KIRREL3: variants seen among roughly 807,000 people sequenced by gnomAD.
KIRREL3 encodes the protein kin of IRRE-like protein 3.
KIRREL3 carries 36 observed loss-of-function variants against 89.7 expected under a neutral mutation model. That is an observed-to-expected ratio of 0.40 (90% confidence interval 0.31 to 0.53). KIRREL3 has a LOEUF of 0.53. Ranked by LOEUF, KIRREL3 falls within the 20% of genes least tolerant of loss-of-function variation. KIRREL3 has a pLI of 0.49. For synonymous variants in KIRREL3, 445 were observed against 441.4 expected (o/e 1.01, Z -0.10); for missense variants, 864 against 1,056.6 (o/e 0.82, Z 2.53).
At chr11:126,446,636 G>A in intron 9 of KIRREL3, 123 bp downstream of exon 9, 6 of 1,112,100 alleles carry the variant, frequency 5.4e-6, no homozygotes, top group Non-Finnish European at 7.5e-6. Context: ...TTCTCCCTGT[G>A]GCTTACACTG....
At chr11:126,798,824 A>G (rs1950893580) in intron 1 of KIRREL3, among the ~76,000 whole-genome samples, 1 of 152,190 alleles carries the variant, frequency 6.6e-6, no homozygotes, top group Admixed American at 6.5e-5. Context: ...AAGAAAGAAC[A>G]TGGGTTTGGG....
chr11:126,646,862 A>C (rs1468053195), intron 1 of KIRREL3, among the ~76,000 whole-genome samples: 1 of 152,142 alleles, frequency 6.6e-6, no homozygotes, highest in South Asian at 2.1e-4. Context: ...CTACCTACCC[A>C]AGCTCCTGTT....
rs577433036 is a variant in KIRREL3, at chr11:126,571,991, G to A, written c.56-9079C>T. Reference sequence around the variant, plus strand: ...GGCTGCCAAAAGCCATATGCCTGAGGGCTGTTAGACTTTTCCTAACAGAAA... The same window carrying A: ...GGCTGCCAAAAGCCATATGCCTGAGAGCTGTTAGACTTTTCCTAACAGAAA... On this transcript the variant is annotated intron_variant, in intron 1 of 16. Coordinates refer to ENST00000525144, the MANE Select transcript of KIRREL3 (RefSeq NM_032531.4). This position sits in a 1 kb window ranked among gnomAD's most constrained non-coding sequence, Gnocchi z 7.7. Among the ~76,000 whole-genome samples, 2 of 152,314 alleles carry A rather than the reference G, an allele frequency of 1.3e-5. No individual in the cohort carries two copies. The highest frequency in any genetic ancestry group is 2.1e-4 in the South Asian group (1 of 4,830).
At chr11:126,599,675 C>T (rs1942559597) in intron 1 of KIRREL3, among the ~76,000 whole-genome samples, 1 of 152,210 alleles carries the variant, frequency 6.6e-6, no homozygotes, top group Non-Finnish European at 1.5e-5. Flanking sequence ...GCTTACAGCT[C>T]TTGCATATAG....
At chr11:126,964,549 A>G (rs1285752796) in intron 1 of KIRREL3, among the ~76,000 whole-genome samples, 1 of 152,150 alleles carries the variant, frequency 6.6e-6, no homozygotes, top group Non-Finnish European at 1.5e-5. Context: ...GAAACACTAC[A>G]ATAATCTCTC....
At position 126,763,757 on chromosome 11, in the gene KIRREL3, G is replaced by A. The variant is rs185411600; in HGVS notation, c.56-200845C>T. ...GACAATAGAAACACCCCTCTCAAACGTAGGGAAAGCTTGTCCACAAAGCAC... is the reference window on the plus strand; with the variant it reads ...GACAATAGAAACACCCCTCTCAAACATAGGGAAAGCTTGTCCACAAAGCAC... On this transcript the variant is annotated intron_variant, in intron 1 of 16. Coordinates refer to ENST00000525144, the MANE Select transcript of KIRREL3 (RefSeq NM_032531.4). The surrounding 1 kb of genome is among the most constrained non-coding windows in gnomAD (Gnocchi z 4.7). Among the ~76,000 whole-genome samples, 26 of 152,280 alleles carry A rather than the reference G, an allele frequency of 1.7e-4. No homozygotes were observed. The highest frequency in any genetic ancestry group is 1.4e-3 in the Admixed American group (21 of 15,292).
rs937248495 is a variant in KIRREL3 at position 126,430,863 on chromosome 11, C to T, written c.1696+556G>A. The T allele has an allele frequency of 5.7e-6, 3 of 528,792 alleles. No homozygotes were observed. Among genetic ancestry groups the T allele is most frequent in the Non-Finnish European group, 7.3e-6 (3 of 409,768 alleles). 32.8% of individuals were successfully genotyped at this position (528,792 alleles called of 1,614,324 possible). A position where few individuals can be genotyped will look rare whatever the true frequency, so the allele number is the denominator to read the frequency against. On this transcript the variant is annotated intron_variant, in intron 14 of 16. Coordinates refer to ENST00000525144, the MANE Select transcript of KIRREL3 (RefSeq NM_032531.4). This position sits in a 1 kb window ranked among gnomAD's most constrained non-coding sequence, Gnocchi z 6.6. ...GTTCTCTGCCATCCAATCTCTCACA[C>T]GTTATCTCCTCGGTGCACGCAATTC...
At chr11:126,619,814 C>T (rs1187684595) in intron 1 of KIRREL3, among the ~76,000 whole-genome samples, 5 of 152,144 alleles carry the variant, frequency 3.3e-5, no homozygotes, top group African/African-American at 4.8e-5. Flanking sequence ...AGTTATTTTT[C>T]GGATCCTGAA....
At chr11:126,790,983 A>G (rs1296258456) in intron 1 of KIRREL3, among the ~76,000 whole-genome samples, 1 of 152,206 alleles carries the variant, frequency 6.6e-6, no homozygotes, top group Non-Finnish European at 1.5e-5. Context: ...AAAATAATAT[A>G]CTGAGCAAAC....
At chr11:126,938,096 C>T (rs1948284094) in intron 1 of KIRREL3, among the ~76,000 whole-genome samples, 3 of 152,192 alleles carry the variant, frequency 2.0e-5, no homozygotes, top group Non-Finnish European at 4.4e-5. Context: ...TTGTTTATAC[C>T]ATTGTGGTTG....
At chr11:126,809,192 C>T (rs950372105) in intron 1 of KIRREL3, among the ~76,000 whole-genome samples, 1 of 152,016 alleles carries the variant, frequency 6.6e-6, no homozygotes, top group Non-Finnish European at 1.5e-5. Flanking sequence ...GGAGGGTCAC[C>T]CAGTCATGAA....
rs183545412 is a variant in KIRREL3 at position 126,525,639 on chromosome 11, T to A, written c.283+899A>T. Among the ~76,000 whole-genome samples the A allele has an allele frequency of 4.9e-4, 74 of 152,334 alleles. No homozygotes were observed. Among genetic ancestry groups the A allele is most frequent in the Non-Finnish European group, 8.5e-4 (58 of 68,032 alleles). On this transcript the variant is annotated intron_variant, in intron 3 of 16. Coordinates refer to ENST00000525144, the MANE Select transcript of KIRREL3 (RefSeq NM_032531.4). The surrounding 1 kb of genome is among the most constrained non-coding windows in gnomAD (Gnocchi z 5.4). ...GCAAAGTTACTTCTCAGCTGAATAA[T>A]ATTTTTCTCTCCTCCTCCACCCTTA...
rs1949448036 is a variant in KIRREL3 at position 126,755,105 on chromosome 11, C to T, written c.56-192193G>A. 6.6e-6 allele frequency among the ~76,000 whole-genome samples: 1 copy of T among 152,154 alleles called. No homozygotes were observed. The highest frequency in any genetic ancestry group is 1.5e-5 in the Non-Finnish European group (1 of 68,016). ...GCTTTAATCTCCAGCACTTTAGTAA[C>T]CTCCTAGTTTGTTTTAAATCTTGAT... On this transcript the variant is annotated intron_variant, in intron 1 of 16. Transcript: ENST00000525144. The surrounding 1 kb of genome is among the most constrained non-coding windows in gnomAD (Gnocchi z 4.3).
chr11:126,885,061 G>A (rs187427713), intron 1 of KIRREL3, among the ~76,000 whole-genome samples: 100 of 152,324 alleles, frequency 6.6e-4, no homozygotes, highest in African/African-American at 2.2e-3. Context: ...CTTGGATTCA[G>A]ATTGGACAGT....
intron 1 of KIRREL3, among the ~76,000 whole-genome samples, chr11:126,866,144 A>C (rs1944911296): frequency 6.6e-6 from 1 of 152,228 alleles, no homozygotes; most frequent in Non-Finnish European, 1.5e-5. Flanking sequence ...CTGGACCTGG[A>C]TCTTAGAGAG....
rs1409676123 is a variant in KIRREL3 at position 126,805,755 on chromosome 11, G to A, written c.55+194700C>T. ...CAGGGAGAGGGAGGAAGAGAAGCAA[G>A]GAAGAAAAACCAAGGGAGGAGGGAA... On this transcript the variant is annotated intron_variant, in intron 1 of 16. Coordinates refer to ENST00000525144, the MANE Select transcript of KIRREL3 (RefSeq NM_032531.4). The surrounding 1 kb of genome is among the most constrained non-coding windows in gnomAD (Gnocchi z 4.3). Among the ~76,000 whole-genome samples, 1 of 152,144 alleles carries A rather than the reference G, an allele frequency of 6.6e-6. No homozygotes were observed. Among genetic ancestry groups the A allele is most frequent in the Non-Finnish European group, 1.5e-5 (1 of 68,032 alleles).
In KIRREL3 at chr11:126,544,725, C is replaced by A. The variant is rs577899028; in HGVS notation, c.134-18038G>T. 1.1e-3 allele frequency among the ~76,000 whole-genome samples: 174 copies of A among 152,236 alleles called. No individual in the cohort carries two copies. Among genetic ancestry groups the A allele is most frequent in the Middle Eastern group, 6.8e-3 (2 of 294 alleles). On this transcript the variant is annotated intron_variant, in intron 2 of 16. Coordinates refer to ENST00000525144, the MANE Select transcript of KIRREL3 (RefSeq NM_032531.4). This position sits in a 1 kb window ranked among gnomAD's most constrained non-coding sequence, Gnocchi z 5.6. ...GTGGGTGGAGAGTGCAGGGAGCTGT[C>A]CTTGGTTGGCAGCATCAAGATAATC...
At chr11:126,856,033 A>T (rs955434403) in intron 1 of KIRREL3, among the ~76,000 whole-genome samples, 2 of 152,144 alleles carry the variant, frequency 1.3e-5, no homozygotes, top group Non-Finnish European at 2.9e-5. Context: ...GTATTTCCCA[A>T]AGTTGGTTCC....
Position 126,837,426 on chromosome 11 carries a change from C to T in KIRREL3, c.55+163029G>A, listed in dbSNP as rs1041132080. On this transcript the variant is annotated intron_variant, in intron 1 of 16. Transcript: ENST00000525144. This position sits in a 1 kb window ranked among gnomAD's most constrained non-coding sequence, Gnocchi z 4.7. ...ATGAACTTGTTAGATAAGGACATGT[C>T]TAGACTCAGAGTGGAAGAGAAACCT... is the stretch of plus-strand genomic sequence containing the variant. Among the ~76,000 whole-genome samples the T allele has an allele frequency of 1.3e-5, 2 of 152,152 alleles. No individual in the cohort carries two copies. The highest frequency in any genetic ancestry group is 2.9e-5 in the Non-Finnish European group (2 of 68,018).
Sources: allele counts gnomAD v4.1 joint callset (sites outside exome capture counted in the v4.1 genomes callset), GRCh38; gene constraint gnomAD v4.1.1; non-coding constraint Gnocchi (gnomAD v3.1); transcripts MANE v1.5; gene names NCBI Gene and HGNC (gene_info 2026-07-23, HGNC 2026-07-21).